Variants in PIK3CB observed in about 807,000 individuals in gnomAD.
The protein encoded by PIK3CB is phosphatidylinositol 4,5-bisphosphate 3-kinase catalytic subunit beta isoform.
In PIK3CB, 39 loss-of-function variants were observed where a neutral mutation model predicts 136.8. That is an observed-to-expected ratio of 0.29 (90% CI 0.22 to 0.37). The LOEUF is 0.37. PIK3CB is among the 10% of genes least tolerant of loss of function. The probability of loss-of-function intolerance (pLI) is 1.00; values close to 1 mark genes in which losing one functional copy is unlikely to be tolerated. For synonymous variants in PIK3CB, 428 were observed against 436.6 expected (o/e 0.98, Z 0.25); for missense variants, 868 against 1,275.4 (o/e 0.68, Z 4.87).
chr3:138,811,766 G>C (rs1045632702), intron 1 of PIK3CB, among the ~76,000 whole-genome samples: 2 of 151,750 alleles, frequency 1.3e-5, no homozygotes, highest in Non-Finnish European at 2.9e-5. Context: ...TAACAATTTA[G>C]ATGGATCTTC....
chr3:138,823,577 C>G (rs1210266230), intron 1 of PIK3CB, among the ~76,000 whole-genome samples: 1 of 152,078 alleles, frequency 6.6e-6, no homozygotes, highest in Non-Finnish European at 1.5e-5. Context: ...GTGGCGCATG[C>G]CTGTAATGCC....
intron 8 of PIK3CB, among the ~76,000 whole-genome samples, chr3:138,722,127 GTGT>G (rs2044738331): frequency 1.1e-5 from 1 of 95,120 alleles, no homozygotes; most frequent in African/African-American, 3.8e-5. Context: ...TTGCTACTGG[GTGT>G]TTTTTTTTTT....
intron 8 of PIK3CB, among the ~76,000 whole-genome samples, chr3:138,724,755 T>C (rs2044802382): frequency 6.6e-6 from 1 of 152,166 alleles, no homozygotes; most frequent in East Asian, 1.9e-4. Flanking sequence ...GATGCTCCTA[T>C]CACTCAGGAA....
At chr3:138,764,286 A>C (rs1433092569) in intron 2 of PIK3CB, among the ~76,000 whole-genome samples, 1 of 149,282 alleles carries the variant, frequency 6.7e-6, no homozygotes, top group African/African-American at 2.5e-5. Context: ...TCATCTATCA[A>C]GAAAAAAAAA....
chr3:138,781,629 A>G (rs2045925157), intron 2 of PIK3CB, among the ~76,000 whole-genome samples: 1 of 151,776 alleles, frequency 6.6e-6, no homozygotes, highest in Admixed American at 6.6e-5. Flanking sequence ...ATTTTTTTGT[A>G]TTTTTTAGTA....
intron 1 of PIK3CB, among the ~76,000 whole-genome samples, chr3:138,824,481 T>G (rs1933693949): frequency 6.6e-6 from 1 of 152,084 alleles, no homozygotes; most frequent in African/African-American, 2.4e-5. Flanking sequence ...GCTAAATATC[T>G]GAGGAGCTAT....
At chr3:138,738,529 T>G (rs1351351291) in intron 5 of PIK3CB, among the ~76,000 whole-genome samples, 2 of 149,782 alleles carry the variant, frequency 1.3e-5, no homozygotes, top group Admixed American at 6.8e-5. Context: ...TTCTCACTGG[T>G]AAGAAGACAG....
Position 138,655,521 on chromosome 3 carries a change from A to G in PIK3CB, c.3081T>C (p.Ser1027=). Residue 1027 remains serine, a synonymous_variant, in exon 24 of 24, where the codon TCT becomes TCC. Transcript: ENST00000674063. ...SVKDIQYLKD[S]LALGKSEEEA... ...CTTCTTCACTCTTCCCTAATGCAAG[A>G]GAGTCCTAAAATGGAAGGGGGAAAA... The G allele has an allele frequency of 6.2e-7, 1 of 1,610,310 alleles. No homozygotes were observed.
chr3:138,776,922 C>CAAAAAAAAA (rs11435742), intron 2 of PIK3CB, among the ~76,000 whole-genome samples: 1 of 57,404 alleles, frequency 1.7e-5, no homozygotes, highest in Non-Finnish European at 3.6e-5. Flanking sequence ...GACTCTACCT[C>CAAAAAAAAA]AAAAAAAAAA....
rs541662440 is a variant in PIK3CB at position 138,715,866 on chromosome 3, A to G, written c.1051-1147T>C. On this transcript the variant is annotated intron_variant, in intron 8 of 23. Coordinates refer to ENST00000674063, the MANE Select transcript of PIK3CB (RefSeq NM_006219.3). ...TAGTAAAAAAAAGATGACTGACTTAATAAATAATATTCTTTTATCTAATTC... is the reference window on the plus strand; with the variant it reads ...TAGTAAAAAAAAGATGACTGACTTAGTAAATAATATTCTTTTATCTAATTC... 3.4e-4 allele frequency among the ~76,000 whole-genome samples: 52 copies of G among 151,952 alleles called. No individual in the cohort carries two copies. In the South Asian group the frequency reaches 9.9e-3, roughly 29 times the overall value.
intron 19 of PIK3CB, among the ~76,000 whole-genome samples, chr3:138,672,287 T>C (rs1297151648): frequency 6.6e-6 from 1 of 152,022 alleles, no homozygotes; most frequent in East Asian, 1.9e-4. Context: ...AAAAGTTTCA[T>C]GTAAGTGCAA....
chr3:138,707,583 C>A, intron 10 of PIK3CB: 1 of 1,144,264 alleles, frequency 8.7e-7, no homozygotes, highest in Non-Finnish European at 1.1e-6. Context: ...TGGAACTGCT[C>A]TCTCTCCATC....
At chr3:138,754,591 CTTG>C (rs1372128443) in intron 4 of PIK3CB, among the ~76,000 whole-genome samples, 1 of 152,076 alleles carries the variant, frequency 6.6e-6, no homozygotes, top group African/African-American at 2.4e-5. Flanking sequence ...TAACTATAAA[CTTG>C]TTAACTGGGA....
intron 1 of PIK3CB, among the ~76,000 whole-genome samples, chr3:138,802,460 A>C (rs1576421991): frequency 6.6e-6 from 1 of 151,334 alleles, no homozygotes; most frequent in South Asian, 2.1e-4. Context: ...GAAAGGAGGG[A>C]AAGAGGGCAA....
At chr3:138,712,147 C>T in intron 10 of PIK3CB, 61 bp downstream of exon 10, 1 of 712,304 alleles carries the variant, frequency 1.4e-6, no homozygotes, top group African/African-American at 1.8e-5. Flanking sequence ...TAAATATTAC[C>T]TAGTCCACAT....
At chr3:138,789,594 A>T (rs2046025259) in intron 2 of PIK3CB, among the ~76,000 whole-genome samples, 2 of 152,370 alleles carry the variant, frequency 1.3e-5, no homozygotes, top group South Asian at 4.1e-4. Context: ...AGCACTGGTC[A>T]CAACAGCCAG....
intron 8 of PIK3CB, among the ~76,000 whole-genome samples, chr3:138,726,973 C>G: frequency 6.6e-6 from 1 of 151,888 alleles, no homozygotes; most frequent in East Asian, 1.9e-4. Flanking sequence ...GTATCTTGAA[C>G]CCAGGAAGTC....
intron 8 of PIK3CB, among the ~76,000 whole-genome samples, chr3:138,720,682 C>T (rs1288596424): frequency 1.3e-5 from 2 of 152,168 alleles, no homozygotes; most frequent in Non-Finnish European, 2.9e-5. Context: ...GCCTGGGCAA[C>T]ATGGCAAAAG....
chr3:138,723,744 T>C (rs2044781296), intron 8 of PIK3CB, among the ~76,000 whole-genome samples: 1 of 152,188 alleles, frequency 6.6e-6, no homozygotes, highest in Non-Finnish European at 1.5e-5. Context: ...TGCATTCCTA[T>C]ACTCACCAAT....
Sources: allele counts gnomAD v4.1 joint callset (sites outside exome capture counted in the v4.1 genomes callset), GRCh38; gene constraint gnomAD v4.1.1; transcripts MANE v1.5; gene names NCBI Gene and HGNC (gene_info 2026-07-23, HGNC 2026-07-21).